The following ARID1A variants were observed in gnomAD, a reference collection of about 807,000 sequenced individuals.
ARID1A encodes AT-rich interactive domain-containing protein 1A.
In ARID1A, 20 loss-of-function variants were observed where a neutral mutation model predicts 212.6. The ratio of observed to expected loss-of-function variants is 0.09; its 90% CI spans 0.07 to 0.14. ARID1A has a LOEUF of 0.14. Ranked by LOEUF, ARID1A falls within the 10% of genes least tolerant of loss-of-function variation. ARID1A has a pLI of 1.00. For missense variants in ARID1A, 2,587 were observed against 3,059.0 expected, an observed-to-expected ratio of 0.85 and a Z score of 3.64; for synonymous variants, 1,376 against 1,222.1, an observed-to-expected ratio of 1.13 and a Z score of -2.63.
chr1:26,697,392 C>T lies in ARID1A; in HGVS notation c.989C>T (p.Ala330Val), dbSNP rs2080281404. The change falls in exon 1 of 20, where the codon GCG (alanine) becomes GTG (valine). Residue 330 changes from alanine to valine, a missense_variant. Around this residue, in one of 11 missense-constraint regions of ARID1A, gnomAD observed 735 missense variants for 590.6 expected, o/e 1.24. Transcript: ENST00000324856. ...PQDGGAGKGP[A>V]DMASQCWGAA... is the part of the protein sequence containing the mutation. Reference sequence around the variant, plus strand: ...GACGGGGGCGCCGGCAAGGGCCCGGCGGACATGGCCTCGCAGTGTTGGGGG... The same window carrying T: ...GACGGGGGCGCCGGCAAGGGCCCGGTGGACATGGCCTCGCAGTGTTGGGGG... 1 of 1,322,870 alleles carries T rather than the reference C, an allele frequency of 7.6e-7. No homozygotes were observed. Among genetic ancestry groups the T allele is most frequent in the Non-Finnish European group, 9.6e-7 (1 of 1,044,386 alleles). The allele number at this position is 1,322,870 out of a possible 1,614,324, so 81.9% of individuals were successfully genotyped here. A position where few individuals can be genotyped will look rare whatever the true frequency, so the allele number is the denominator to read the frequency against.
chr1:26,740,397 TG>T (rs1394276890), intron 4 of ARID1A, among the ~76,000 whole-genome samples: 1 of 152,252 alleles, frequency 6.6e-6, no homozygotes, highest in East Asian at 1.9e-4. Context: ...GATCCATTTA[TG>T]TCTCAATAGT....
intron 4 of ARID1A, among the ~76,000 whole-genome samples, chr1:26,745,976 G>A (rs1403744548): frequency 6.6e-6 from 1 of 152,130 alleles, no homozygotes; most frequent in Non-Finnish European, 1.5e-5. Flanking sequence ...GCTTGAACCT[G>A]GGAGGCGGAG....
At chr1:26,747,636 A>C (rs1375755160) in intron 4 of ARID1A, among the ~76,000 whole-genome samples, 1 of 150,648 alleles carries the variant, frequency 6.6e-6, no homozygotes, top group Non-Finnish European at 1.5e-5. Flanking sequence ...TGAGGCCAGG[A>C]GCTGGAGACC....
At chr1:26,727,650 A>G (rs925704896) in intron 1 of ARID1A, 4 of 152,202 alleles carry the variant, frequency 2.6e-5, no homozygotes, top group African/African-American at 7.2e-5. Flanking sequence ...AGAAAATTCT[A>G]ATCTGCAGCC....
At chr1:26,766,690 A>G in intron 10 of ARID1A, 124 bp downstream of exon 10, 1 of 1,022,018 alleles carries the variant, frequency 9.8e-7, no homozygotes, top group East Asian at 2.6e-5. Flanking sequence ...TAGTCTCTGA[A>G]AAAGCTGCTG....
chr1:26,755,168 G>C (rs12057416), intron 4 of ARID1A, among the ~76,000 whole-genome samples: 18 of 152,206 alleles, frequency 1.2e-4, no homozygotes, highest in Admixed American at 9.2e-4. Flanking sequence ...AAGACTTGTA[G>C]AAAATTGGGT....
intron 1 of ARID1A, among the ~76,000 whole-genome samples, chr1:26,704,859 CAAA>C (rs397811032): frequency 7.9e-6 from 1 of 126,398 alleles, no homozygotes; most frequent in Non-Finnish European, 1.7e-5. Context: ...GACCTTGTCT[CAAA>C]AAAAAAAAAA....
Position 26,780,868 on chromosome 1 carries a change from G to T in ARID1A, c.*112G>T. On this transcript the variant is annotated 3_prime_UTR_variant, in exon 20 of 20. Transcript: ENST00000324856. This position sits in a 1 kb window ranked among gnomAD's most constrained non-coding sequence, Gnocchi z 7.2. ...CACCTCAGAATCCAGTTTACCCTGT[G>T]CTGTCCAGCTTCTCCCTTGGGAAAA... 1 of 1,411,274 alleles carries T rather than the reference G, an allele frequency of 7.1e-7. No homozygotes were observed. Among genetic ancestry groups the T allele is most frequent in the Non-Finnish European group, 9.5e-7 (1 of 1,055,466 alleles). 87.4% of individuals were successfully genotyped at this position (1,411,274 alleles called of 1,614,324 possible). A position where few individuals can be genotyped will look rare whatever the true frequency, so the allele number is the denominator to read the frequency against.
Position 26,696,773 on chromosome 1 carries a change from GGCGGTGGCGGCA to G in ARID1A, c.373_384del (p.Gly125_Ser128del). 1 of 1,341,780 alleles carries G rather than the reference GGCGGTGGCGGCA, an allele frequency of 7.5e-7. No individual in the cohort carries two copies. The highest frequency in any genetic ancestry group is 9.5e-7 in the Non-Finnish European group (1 of 1,051,198). The allele number at this position is 1,341,780 out of a possible 1,614,324, so 83.1% of individuals were successfully genotyped here. ...TAACCTCACGGAGCCGCCCGGCGGC[GGCGGTGGCGGCA>G]GCAGCGATGGGGTGGGGGCGCCTCC... On this transcript the variant is annotated inframe_deletion, in exon 1 of 20. Coordinates refer to ENST00000324856, the MANE Select transcript of ARID1A (RefSeq NM_006015.6).
chr1:26,766,583 T>TG lies in ARID1A; in HGVS notation c.2988+18dup. 1 of 1,592,246 alleles carries TG rather than the reference T, an allele frequency of 6.3e-7. No individual in the cohort carries two copies. The highest frequency in any genetic ancestry group is 8.6e-7 in the Non-Finnish European group (1 of 1,168,288). The stretch of plus-strand genomic sequence containing the variant: ...AAATCCAAGGTAGTGATTTTTGTCT[T>TG]GACTCCTTTCAACTTTGTGTCCTAT... On this transcript the variant is annotated intron_variant, in intron 10 of 19. Transcript: ENST00000324856.
chr1:26,764,362 G>T (rs1289926774), intron 8 of ARID1A: 1 of 151,832 alleles, frequency 6.6e-6, no homozygotes, highest in African/African-American at 2.4e-5. Context: ...AGAGTAGGTG[G>T]TTTAACTTCT....
intron 10 of ARID1A, 143 bp from the exon 11 acceptor site, chr1:26,767,647 C>A: frequency 1.2e-6 from 1 of 863,332 alleles, no homozygotes; most frequent in Non-Finnish European, 1.7e-6. Context: ...TTTGGCCCTT[C>A]AACCTTATGA....
At chr1:26,710,695 C>T (rs528965659) in intron 1 of ARID1A, among the ~76,000 whole-genome samples, 2 of 152,224 alleles carry the variant, frequency 1.3e-5, no homozygotes, top group East Asian at 1.9e-4. Context: ...CTAGGCCATT[C>T]TGATGAACAC....
At chr1:26,776,167 A>C (rs888230346) in intron 19 of ARID1A, among the ~76,000 whole-genome samples, 2 of 152,108 alleles carry the variant, frequency 1.3e-5, no homozygotes, top group African/African-American at 4.8e-5. Flanking sequence ...ATCAGTGAGC[A>C]GAGTATGTTT....
chr1:26,719,334 T>C (rs1009127311), intron 1 of ARID1A, among the ~76,000 whole-genome samples: 1 of 152,202 alleles, frequency 6.6e-6, no homozygotes, highest in African/African-American at 2.4e-5. Context: ...GGAAGCTTGA[T>C]TTTGGCTGAA....
intron 1 of ARID1A, among the ~76,000 whole-genome samples, chr1:26,719,622 A>G (rs1341448437): frequency 6.6e-6 from 1 of 150,906 alleles, no homozygotes; most frequent in Non-Finnish European, 1.5e-5. Flanking sequence ...GAAACTCTAT[A>G]CTTTTTTTTT....
intron 4 of ARID1A, among the ~76,000 whole-genome samples, chr1:26,750,727 CCTACCTTCATGGGACTT>C (rs916729942): frequency 2.4e-4 from 36 of 151,942 alleles, no homozygotes; most frequent in Admixed American, 1.1e-3. Context: ...AGACCAGGCT[CCTACCTTCATGGGACTT>C]CTACCTTCAT....
At chr1:26,706,184 T>C (rs2080390481) in intron 1 of ARID1A, among the ~76,000 whole-genome samples, 1 of 152,182 alleles carries the variant, frequency 6.6e-6, no homozygotes, top group African/African-American at 2.4e-5. Context: ...TGGGCTTCCT[T>C]ATGGCTTTGT....
At chr1:26,775,485 A>G (rs2081126519) in intron 18 of ARID1A, 92 bp from the exon 19 acceptor site, 2 of 1,543,104 alleles carry the variant, frequency 1.3e-6, no homozygotes, top group African/African-American at 2.7e-5. Flanking sequence ...ACCTTGTGTT[A>G]TCTTCAGAGT....
Sources: allele counts gnomAD v4.1 joint callset (sites outside exome capture counted in the v4.1 genomes callset), GRCh38; gene constraint gnomAD v4.1.1; regional missense constraint gnomAD v4.1.1; non-coding constraint Gnocchi (gnomAD v3.1); transcripts MANE v1.5; gene names NCBI Gene and HGNC (gene_info 2026-07-23, HGNC 2026-07-21).